DNAH14: variants seen among roughly 807,000 people sequenced by gnomAD.
DNAH14 encodes the protein dynein axonemal heavy chain 14, also known as axonemal beta dynein heavy chain 14.
DNAH14 carries 478 observed loss-of-function variants against 520.9 expected under a neutral mutation model. The ratio of observed to expected loss-of-function variants is 0.92; its 90% CI spans 0.85 to 0.99. DNAH14 has a LOEUF of 0.99. Among genes scored for constraint, DNAH14 ranks in the 50% least tolerant of loss-of-function variants. The pLI, the probability that DNAH14 is intolerant of heterozygous loss-of-function variation, is 0.00. For missense variants in DNAH14, 4,831 were observed against 5,234.5 expected (o/e 0.92, Z 2.38); for synonymous variants, 1,581 against 1,757.2 (o/e 0.90, Z 2.51).
chr1:225,233,177 T>G (rs2091279738), intron 42 of DNAH14, among the ~76,000 whole-genome samples: 1 of 152,262 alleles, frequency 6.6e-6, no homozygotes, highest in Non-Finnish European at 1.5e-5. Flanking sequence ...ATGGTGTATA[T>G]GTACCACATT....
At chr1:225,175,245 T>C (rs1373949633) in intron 36 of DNAH14, among the ~76,000 whole-genome samples, 2 of 152,212 alleles carry the variant, frequency 1.3e-5, no homozygotes, top group Non-Finnish European at 2.9e-5. Context: ...TATTAGTTCT[T>C]CTTTAAAAGT....
chr1:224,990,026 A>G (rs913811169), intron 8 of DNAH14, among the ~76,000 whole-genome samples: 7 of 150,030 alleles, frequency 4.7e-5, no homozygotes, highest in African/African-American at 1.7e-4. Flanking sequence ...TTTTTTTTTT[A>G]ACTTTGCCTG....
intron 50 of DNAH14, 79 bp downstream of exon 50, chr1:225,270,945 A>G (rs1188475974): frequency 5.1e-6 from 7 of 1,372,218 alleles, no homozygotes; most frequent in Non-Finnish European, 6.9e-6. Flanking sequence ...TAAATCCACT[A>G]ATATTGAAAG....
chr1:225,099,043 A>T (rs544068928), intron 22 of DNAH14, among the ~76,000 whole-genome samples: 1 of 152,234 alleles, frequency 6.6e-6, no homozygotes, highest in Non-Finnish European at 1.5e-5. Context: ...ACGGGAATAT[A>T]TGAGAGTATA....
chr1:225,283,658 C>T (rs542875217), intron 54 of DNAH14, among the ~76,000 whole-genome samples: 1 of 152,202 alleles, frequency 6.6e-6, no homozygotes, highest in African/African-American at 2.4e-5. Context: ...GTTACAAAGA[C>T]TTCAACAGTA....
intron 54 of DNAH14, among the ~76,000 whole-genome samples, chr1:225,282,901 G>A (rs1196216910): frequency 2.6e-5 from 4 of 151,870 alleles, no homozygotes; most frequent in Non-Finnish European, 5.9e-5. Flanking sequence ...TTTTCTTATT[G>A]ATTGGTAGGA....
chr1:225,149,290 G>T, intron 31 of DNAH14, among the ~76,000 whole-genome samples: 1 of 152,186 alleles, frequency 6.6e-6, no homozygotes, highest in South Asian at 2.1e-4. Flanking sequence ...CTATGTGCCT[G>T]TTTTTTGTAC....
chr1:225,225,308 A>G (rs2090433228), intron 41 of DNAH14, among the ~76,000 whole-genome samples: 1 of 152,318 alleles, frequency 6.6e-6, no homozygotes, highest in Middle Eastern at 3.4e-3. Flanking sequence ...ACATGTATTC[A>G]TTGATACCAA....
intron 41 of DNAH14, among the ~76,000 whole-genome samples, chr1:225,220,360 G>A (rs1428336867): frequency 6.6e-6 from 1 of 152,170 alleles, no homozygotes; most frequent in African/African-American, 2.4e-5. Flanking sequence ...AAGAGAGGAT[G>A]TCAAATTGCC....
chr1:225,063,857 CA>C (rs931145024), intron 17 of DNAH14, among the ~76,000 whole-genome samples: 8 of 149,624 alleles, frequency 5.3e-5, no homozygotes, highest in African/African-American at 2.0e-4. Flanking sequence ...TTACTGAAAA[CA>C]AGTGAAAAGG....
chr1:225,123,402 C>T (rs1038745458), intron 26 of DNAH14, 125 bp from the exon 27 acceptor site: 5 of 210,764 alleles, frequency 2.4e-5, no homozygotes, highest in East Asian at 1.2e-4. Flanking sequence ...CTGATTTCTA[C>T]GTTAGAACAA....
intron 54 of DNAH14, among the ~76,000 whole-genome samples, chr1:225,278,947 G>A (rs1232071995): frequency 6.6e-6 from 1 of 152,108 alleles, no homozygotes; most frequent in Non-Finnish European, 1.5e-5. Context: ...GCAAATTCCT[G>A]ATTCCTCTGA....
At chr1:225,117,366 A>T (rs1387287305) in intron 23 of DNAH14, among the ~76,000 whole-genome samples, 7 of 151,066 alleles carry the variant, frequency 4.6e-5, no homozygotes, top group African/African-American at 1.7e-4. Context: ...CAATAATAAT[A>T]ATAATTATTA....
At chr1:225,290,661 A>ATGTG (rs2093860354) in intron 55 of DNAH14, among the ~76,000 whole-genome samples, 1 of 97,084 alleles carries the variant, frequency 1.0e-5, no homozygotes, top group African/African-American at 5.0e-5. Context: ...ATATATATAT[A>ATGTG]TATATATATA....
At chr1:225,267,307 T>TTC (rs1553280358) in intron 49 of DNAH14, among the ~76,000 whole-genome samples, 26 of 148,674 alleles carry the variant, frequency 1.7e-4, no homozygotes, top group Admixed American at 3.4e-4. Context: ...TTTTTTTTTT[T>TTC]TTTTTGAGAT....
intron 1 of DNAH14, among the ~76,000 whole-genome samples, chr1:224,944,553 T>G (rs1406378088): frequency 6.6e-6 from 1 of 152,154 alleles, no homozygotes; most frequent in African/African-American, 2.4e-5. Context: ...AGCTGTTTAT[T>G]TTGCTCGTTA....
Position 225,185,707 on chromosome 1 carries a change from A to G in DNAH14, c.5670+282A>G, listed in dbSNP as rs536274934. 3.0e-4 allele frequency among the ~76,000 whole-genome samples: 46 copies of G among 151,836 alleles called. No individual in the cohort carries two copies. In the South Asian group the frequency reaches 9.3e-3, roughly 31 times the overall value. On this transcript the variant is annotated intron_variant, in intron 37 of 85. Coordinates refer to ENST00000682510, the MANE Select transcript of DNAH14 (RefSeq NM_001367479.1). ...TAGGTATCAATTGAATCATCTTCACATGAAAATAATTTTGTCTTTTTTTGA... is the reference window on the plus strand; with the variant it reads ...TAGGTATCAATTGAATCATCTTCACGTGAAAATAATTTTGTCTTTTTTTGA...
Position 225,398,519 on chromosome 1 carries a change from GGGCTCAGCTTCCTCTCACACT to G in DNAH14, c.13494_13514del (p.Ser4499_Gly4505del). 6 of 1,551,536 alleles carry G rather than the reference GGGCTCAGCTTCCTCTCACACT, an allele frequency of 3.9e-6. No homozygotes were observed. The highest frequency in any genetic ancestry group is 5.2e-6 in the Non-Finnish European group (6 of 1,146,910). ...CTGACACCACCTCTCTTCCATCTTA[GGGCTCAGCTTCCTCTCACACT>G]GGAGTTTACATTTTTGGTTTATTCA... On this transcript the variant is annotated inframe_deletion and splice_region_variant, in exon 85 of 86. Transcript: ENST00000682510.
intron 10 of DNAH14, among the ~76,000 whole-genome samples, chr1:225,014,182 C>T (rs1229011391): frequency 7.9e-5 from 12 of 152,156 alleles, no homozygotes; most frequent in Non-Finnish European, 1.8e-4. Context: ...GGCATAGTCC[C>T]TCATGGCTTC....
Sources: allele counts gnomAD v4.1 joint callset (sites outside exome capture counted in the v4.1 genomes callset), GRCh38; gene constraint gnomAD v4.1.1; transcripts MANE v1.5; gene names NCBI Gene and HGNC (gene_info 2026-07-23, HGNC 2026-07-21).